The following GLI3 variants were observed in gnomAD, a reference collection of about 807,000 sequenced individuals.
GLI3 encodes GLI family zinc finger 3.
In GLI3, 20 loss-of-function variants were observed where a neutral mutation model predicts 100.8. That is an observed-to-expected ratio of 0.20 (90% confidence interval 0.14 to 0.29). The LOEUF (loss-of-function observed/expected upper bound fraction) is 0.29, where lower values mean the gene tolerates loss of function less well. GLI3 is among the 10% of genes least tolerant of loss of function. GLI3 has a pLI of 1.00. For synonymous variants in GLI3, 938 were observed against 860.5 expected (o/e 1.09, Z -1.58); for missense variants, 2,040 against 2,128.5 (o/e 0.96, Z 0.82).
In GLI3 at chr7:42,026,419, G is replaced by A. The variant is rs78280303; in HGVS notation, c.1029-7C>T. 2.2e-3 allele frequency: 3,523 copies of A among 1,610,084 alleles called. 67 individuals carry two copies. In the African/African-American group the frequency reaches 0.041, roughly 19 times the overall value. On this transcript the variant is annotated splice_region_variant and splice_polypyrimidine_tract_variant and intron_variant, in intron 7 of 14. Transcript: ENST00000395925. ...GGTGAAGCTCAAGGCAGGGCTGCAC[G>A]GGGGAGATAAAAAAAGACGATCATC...
At chr7:42,129,202 G>T (rs1384525858) in intron 3 of GLI3, among the ~76,000 whole-genome samples, 1 of 152,174 alleles carries the variant, frequency 6.6e-6, no homozygotes, top group Non-Finnish European at 1.5e-5. Context: ...ACGAACCCAT[G>T]ATGTCAGAGC....
chr7:42,232,627 A>G (rs1788715365), intron 1 of GLI3, among the ~76,000 whole-genome samples: 1 of 152,202 alleles, frequency 6.6e-6, no homozygotes, highest in African/African-American at 2.4e-5. Flanking sequence ...ATTATATGAC[A>G]TGTTGTTGGA....
rs181907387 is a variant in GLI3 at position 42,052,134 on chromosome 7, T to C, written c.474-3438A>G. Among the ~76,000 whole-genome samples, 39 of 152,346 alleles carry C rather than the reference T, an allele frequency of 2.6e-4. No individual in the cohort carries two copies. In the East Asian group the frequency reaches 4.8e-3, roughly 19 times the overall value. Reference sequence around the variant, plus strand: ...GTAATATGCATTTAAGTTTCCTCCATATTTTTTCAAAGTTCATTTCCTTTT... The same window carrying C: ...GTAATATGCATTTAAGTTTCCTCCACATTTTTTCAAAGTTCATTTCCTTTT... On this transcript the variant is annotated intron_variant, in intron 4 of 14. Transcript: ENST00000395925.
chr7:42,231,581 T>C (rs1366552234), intron 1 of GLI3, among the ~76,000 whole-genome samples: 5 of 152,204 alleles, frequency 3.3e-5, no homozygotes, highest in Non-Finnish European at 7.3e-5. Context: ...GACACTGTCC[T>C]GAAGTGGCAT....
At chr7:42,182,736 A>G (rs1433455878) in intron 2 of GLI3, among the ~76,000 whole-genome samples, 1 of 148,314 alleles carries the variant, frequency 6.7e-6, no homozygotes, top group Admixed American at 6.8e-5. Flanking sequence ...ACACACACAC[A>G]CACACACACA....
intron 1 of GLI3, among the ~76,000 whole-genome samples, chr7:42,253,880 G>T (rs1445571313): frequency 6.6e-6 from 1 of 151,866 alleles, no homozygotes; most frequent in Non-Finnish European, 1.5e-5. Flanking sequence ...GTCTTTTTTT[G>T]GGATTTTCTT....
chr7:42,190,782 T>C (rs1428159869), intron 2 of GLI3, among the ~76,000 whole-genome samples: 1 of 152,098 alleles, frequency 6.6e-6, no homozygotes, highest in Non-Finnish European at 1.5e-5. Context: ...AATACTAAGA[T>C]ACTAAATACA....
intron 2 of GLI3, among the ~76,000 whole-genome samples, chr7:42,209,440 A>G (rs900336512): frequency 8.5e-5 from 13 of 152,238 alleles, no homozygotes; most frequent in African/African-American, 3.1e-4. Context: ...GGACCCATAC[A>G]TGTGATGTAC....
intron 10 of GLI3, among the ~76,000 whole-genome samples, chr7:41,979,843 G>A (rs1162049794): frequency 1.3e-5 from 2 of 152,094 alleles, no homozygotes; most frequent in Non-Finnish European, 2.9e-5. Context: ...TCCATGCCTC[G>A]TGTGGTAGTG....
At chr7:42,023,342 T>A (rs1788997406) in intron 10 of GLI3, 126 bp downstream of exon 10, 3 of 934,710 alleles carry the variant, frequency 3.2e-6, no homozygotes, top group South Asian at 2.9e-5. Flanking sequence ...CAGAAAGTCA[T>A]AAAGCCCTCT....
rs560096233 is a variant in GLI3, at chr7:41,964,037, T to G, written c.*293A>C. The G allele has an allele frequency of 7.2e-6, 2 of 279,274 alleles. No individual in the cohort carries two copies. Among genetic ancestry groups the G allele is most frequent in the South Asian group, 1.1e-4 (2 of 19,006 alleles). The allele number at this position is 279,274 out of a possible 1,614,324, so 17.3% of individuals were successfully genotyped here. On this transcript the variant is annotated 3_prime_UTR_variant, in exon 15 of 15. Transcript: ENST00000395925. ...TATGCACATCACAAATTTACATCGG[T>G]TTACTAAAAAGGGGGCGGGGCTTAC...
At position 42,148,333 on chromosome 7, in the gene GLI3, T is replaced by C. The variant is rs931618414; in HGVS notation, c.260A>G (p.Lys87Arg). ...TSSDERASLI[K>R]KEIHGSLPHV... ...TGGCAGGGACCCATGGATCTCTTTC[T>C]TGATCAATGAGGCCCTCTCGTCACT... Residue 87 changes from lysine to arginine, a missense_variant, in exon 3 of 15, where the codon AAG becomes AGG. By Grantham distance (26) the Lys-to-Arg change is conservative (BLOSUM62 2). This residue lies in a region of GLI3 where 603 missense variants were observed against 690.9 expected (regional missense o/e 0.87). Coordinates refer to ENST00000395925, the MANE Select transcript of GLI3 (RefSeq NM_000168.6). 1 of 1,613,732 alleles carries C rather than the reference T, an allele frequency of 6.2e-7. No individual in the cohort carries two copies. Among genetic ancestry groups the C allele is most frequent in the African/African-American group, 1.3e-5 (1 of 74,910 alleles).
intron 2 of GLI3, among the ~76,000 whole-genome samples, chr7:42,156,535 C>T (rs911503344): frequency 2.0e-5 from 3 of 152,200 alleles, no homozygotes; most frequent in Non-Finnish European, 4.4e-5. Flanking sequence ...TCTTACTTTG[C>T]ACATACAGAC....
rs114138686 is a variant in GLI3, at chr7:42,078,087, G to A, written c.368-1230C>T. On this transcript the variant is annotated intron_variant, in intron 3 of 14. Coordinates refer to ENST00000395925, the MANE Select transcript of GLI3 (RefSeq NM_000168.6). ...AATTCCAATGGGGCCTTCTCTCAGC[G>A]GACAGGTTCTGATCGACCACCTAAG... Among the ~76,000 whole-genome samples the A allele has an allele frequency of 2.0e-3, 305 of 152,286 alleles. 2 individuals carry two copies. Among genetic ancestry groups the A allele is most frequent in the African/African-American group, 7.0e-3 (292 of 41,560 alleles).
At chr7:42,045,597 A>G in intron 5 of GLI3, 67 bp from the exon 6 acceptor site, 1 of 1,442,124 alleles carries the variant, frequency 6.9e-7, no homozygotes, top group Non-Finnish European at 9.7e-7. Flanking sequence ...CTCTTGAGGC[A>G]TCTCAGAGTC....
In GLI3 at chr7:41,965,974, C is replaced by G. The variant is rs760688361; in HGVS notation, c.3099G>C (p.Pro1033=). Residue 1033 remains proline, a synonymous_variant, in exon 15 of 15, where the codon CCG becomes CCC. Transcript: ENST00000395925. Reference sequence around the variant, plus strand: ...GCTTCTCCGCGGACGTGGCCATCGCCGGGGGGTTGCAGCTGCTGAGGCTGC... The same window carrying G: ...GCTTCTCCGCGGACGTGGCCATCGCGGGGGGGTTGCAGCTGCTGAGGCTGC... ...RFSSLSSCNP[P]AMATSAEKRS... 7 of 1,607,430 alleles carry G rather than the reference C, an allele frequency of 4.4e-6. No individual in the cohort carries two copies. In the South Asian group the frequency reaches 6.6e-5, roughly 15 times the overall value.
chr7:42,192,751 T>TCC (rs950321290), intron 2 of GLI3, among the ~76,000 whole-genome samples: 4 of 152,226 alleles, frequency 2.6e-5, no homozygotes, highest in African/African-American at 9.6e-5. Flanking sequence ...GGGGAAGGCC[T>TCC]CCTAATCTCT....
At chr7:42,108,820 C>T (rs1414384735) in intron 3 of GLI3, among the ~76,000 whole-genome samples, 1 of 152,098 alleles carries the variant, frequency 6.6e-6, no homozygotes, top group Non-Finnish European at 1.5e-5. Flanking sequence ...AGCTGGAAGG[C>T]ATCTTTTTAA....
intron 1 of GLI3, among the ~76,000 whole-genome samples, chr7:42,228,796 T>C (rs1441556364): frequency 6.6e-6 from 1 of 152,184 alleles, no homozygotes; most frequent in African/African-American, 2.4e-5. Flanking sequence ...TTAGCTGCCA[T>C]ACATAGATTC....
Sources: gnomAD v4.1 joint callset for allele counts (sites outside exome capture counted in the v4.1 genomes callset) on GRCh38, gnomAD v4.1.1 for gene constraint, gnomAD v4.1.1 regional missense constraint, MANE v1.5 for transcripts, NCBI Gene and HGNC (gene_info 2026-07-23, HGNC 2026-07-21) for gene names.